DGKD: variants seen among roughly 807,000 people sequenced by gnomAD.
The protein encoded by DGKD is diacylglycerol kinase delta.
Under a neutral mutation model 154.4 loss-of-function variants are expected in DGKD, and 68 were observed. That is an observed-to-expected ratio of 0.44 (90% confidence interval 0.36 to 0.54). The LOEUF (loss-of-function observed/expected upper bound fraction) is 0.54. Among genes scored for constraint, DGKD ranks in the 20% least tolerant of loss-of-function variants. DGKD has a pLI of 0.00. For synonymous variants in DGKD, 693 were observed against 638.0 expected (o/e 1.09, Z -1.30); for missense variants, 1,343 against 1,593.6 (o/e 0.84, Z 2.68).
chr2:233,402,826 A>C (rs941999890), intron 3 of DGKD, among the ~76,000 whole-genome samples: 3 of 152,216 alleles, frequency 2.0e-5, no homozygotes, highest in Non-Finnish European at 2.9e-5. Context: ...AGAACTTGTT[A>C]TTCCTTATTT....
chr2:233,452,215 G>A lies in DGKD; in HGVS notation c.2264+155G>A, dbSNP rs964732467. ...GAGAAGTCGTGGAGATTCCACTTAA[G>A]GAGTGGAGCTGGAAACCACTACTGC... On this transcript the variant is annotated intron_variant, in intron 18 of 29. Transcript: ENST00000264057. The surrounding 1 kb of genome is among the most constrained non-coding windows in gnomAD (Gnocchi z 4.0). Among the ~76,000 whole-genome samples the A allele has an allele frequency of 6.6e-5, 10 of 152,234 alleles. No homozygotes were observed. The highest frequency in any genetic ancestry group is 1.5e-4 in the Non-Finnish European group (10 of 68,044).
At chr2:233,371,388 G>A (rs1702314730) in intron 1 of DGKD, among the ~76,000 whole-genome samples, 1 of 151,948 alleles carries the variant, frequency 6.6e-6, no homozygotes, top group Non-Finnish European at 1.5e-5. Flanking sequence ...TTTCCAATCG[G>A]GTTGTCTTCT....
chr2:233,374,800 C>T (rs1324002003), intron 1 of DGKD, among the ~76,000 whole-genome samples: 1 of 151,952 alleles, frequency 6.6e-6, no homozygotes, highest in Admixed American at 6.6e-5. Flanking sequence ...TGCCACCATA[C>T]CCAGCCAATT....
intron 1 of DGKD, among the ~76,000 whole-genome samples, chr2:233,380,136 C>A (rs575254463): frequency 6.6e-6 from 1 of 152,104 alleles, no homozygotes; most frequent in African/African-American, 2.4e-5. Flanking sequence ...CCTAGGTAGG[C>A]AATTAGAAAT....
intron 1 of DGKD, among the ~76,000 whole-genome samples, chr2:233,374,385 A>G (rs2125405056): frequency 6.6e-6 from 1 of 152,226 alleles, no homozygotes; most frequent in Middle Eastern, 3.4e-3. Flanking sequence ...CCCAGGCTGG[A>G]GTGCAGTGGT....
At chr2:233,464,684 TCA>T (rs1369691686) in intron 27 of DGKD, among the ~76,000 whole-genome samples, 1 of 152,202 alleles carries the variant, frequency 6.6e-6, no homozygotes, top group Non-Finnish European at 1.5e-5. Context: ...CACTCCCCAC[TCA>T]CACTCTCTTC....
chr2:233,416,054 G>T (rs2061952810), intron 3 of DGKD, among the ~76,000 whole-genome samples: 1 of 152,194 alleles, frequency 6.6e-6, no homozygotes. Flanking sequence ...TTTCCCGGCT[G>T]CTTGTGTCCT....
intron 12 of DGKD, 43 bp downstream of exon 12, chr2:233,446,839 T>A (rs2063091155): frequency 6.2e-7 from 1 of 1,605,362 alleles, no homozygotes. Flanking sequence ...CATGCTGATG[T>A]GATCAGAACT....
intron 7 of DGKD, 60 bp downstream of exon 7, chr2:233,436,501 C>T (rs1284723606): frequency 3.2e-5 from 50 of 1,565,220 alleles, no homozygotes; most frequent in Non-Finnish European, 3.7e-5. Context: ...CGTGCCCATG[C>T]GGGCCTTGCG....
Position 233,458,402 on chromosome 2 carries a change from T to TG in DGKD, c.2694+7dup, listed in dbSNP as rs749637658. 3 of 1,602,944 alleles carry TG rather than the reference T, an allele frequency of 1.9e-6. No individual in the cohort carries two copies. The Admixed American group carries it at 5.0e-5, about 27-fold the overall frequency. The stretch of plus-strand genomic sequence containing the variant: ...CAGCATCATCGGATCGCCCAGGTAG[T>TG]GGCCATGGTCCTGGGGTGTCTGGCC... On this transcript the variant is annotated splice_donor_region_variant and intron_variant, in intron 22 of 29. Coordinates refer to ENST00000264057, the MANE Select transcript of DGKD (RefSeq NM_152879.3). The surrounding 1 kb of genome is among the most constrained non-coding windows in gnomAD (Gnocchi z 6.6).
rs1180064256 is a variant in DGKD at position 233,436,458 on chromosome 2, C to T, written c.819+17C>T. On this transcript the variant is annotated intron_variant, in intron 7 of 29. Transcript: ENST00000264057. Reference sequence around the variant, plus strand: ...AAGGCCATGGTGAGTGTGGGCCCTGCGCCCGGGCTGGAGGGGAGGGCTTGC... The same window carrying T: ...AAGGCCATGGTGAGTGTGGGCCCTGTGCCCGGGCTGGAGGGGAGGGCTTGC... 11 of 1,607,096 alleles carry T rather than the reference C, an allele frequency of 6.8e-6. No individual in the cohort carries two copies. Among genetic ancestry groups the T allele is most frequent in the East Asian group, 2.2e-5 (1 of 44,784 alleles).
chr2:233,394,923 C>G (rs1015289230), intron 3 of DGKD, among the ~76,000 whole-genome samples: 8 of 151,846 alleles, frequency 5.3e-5, no homozygotes, highest in African/African-American at 1.9e-4. Context: ...CTTGGCTGGT[C>G]TCTAACTTCT....
intron 1 of DGKD, among the ~76,000 whole-genome samples, chr2:233,375,884 C>T (rs978413664): frequency 2.0e-5 from 3 of 151,924 alleles, no homozygotes; most frequent in African/African-American, 7.3e-5. Flanking sequence ...CTGGTTCTTC[C>T]TACTGTCAAG....
At chr2:233,466,913 AACACTAAAT>A (rs2063840046) in intron 27 of DGKD, among the ~76,000 whole-genome samples, 164 bp from the exon 28 acceptor site, 1 of 152,224 alleles carries the variant, frequency 6.6e-6, no homozygotes, top group Non-Finnish European at 1.5e-5. Context: ...CACTAAAATC[AACACTAAAT>A]ACAAGAATCA....
At chr2:233,363,654 A>C (rs901953887) in intron 1 of DGKD, among the ~76,000 whole-genome samples, 1 of 152,220 alleles carries the variant, frequency 6.6e-6, no homozygotes, top group African/African-American at 2.4e-5. Flanking sequence ...AGCAACTTCC[A>C]GCCCTGCAAG....
rs1703520842 is a variant in DGKD at position 233,390,401 on chromosome 2, A to G, written c.268-2A>G. The G allele has an allele frequency of 1.2e-6, 2 of 1,613,364 alleles. No homozygotes were observed. The highest frequency in any genetic ancestry group is 1.7e-6 in the Non-Finnish European group (2 of 1,179,600). On this transcript the variant is annotated splice_acceptor_variant, in intron 2 of 29. Transcript: ENST00000264057. LOFTEE classifies it high-confidence loss of function. ...TTAGTCCCTGTGTTTGTCTCTTTCT[A>G]GTCAATCATATTTGATGAGGTGGAT... is the stretch of plus-strand genomic sequence containing the variant.
chr2:233,424,115 C>T (rs1422902015), intron 3 of DGKD, among the ~76,000 whole-genome samples: 1 of 152,176 alleles, frequency 6.6e-6, no homozygotes, highest in Non-Finnish European at 1.5e-5. Context: ...CCTGCTCGCT[C>T]GTCATGACCG....
At chr2:233,372,867 T>C (rs1475896865) in intron 1 of DGKD, among the ~76,000 whole-genome samples, 1 of 152,166 alleles carries the variant, frequency 6.6e-6, no homozygotes, top group Non-Finnish European at 1.5e-5. Flanking sequence ...GACTCTATCC[T>C]GAGAAAATAA....
At chr2:233,421,391 C>A (rs1323486015) in intron 3 of DGKD, among the ~76,000 whole-genome samples, 1 of 152,230 alleles carries the variant, frequency 6.6e-6, no homozygotes, top group Non-Finnish European at 1.5e-5. Context: ...TACTGAGGAG[C>A]CTCCCAAAAG....
Sources: allele counts gnomAD v4.1 joint callset (sites outside exome capture counted in the v4.1 genomes callset), GRCh38; gene constraint gnomAD v4.1.1; non-coding constraint Gnocchi (gnomAD v3.1); transcripts MANE v1.5; gene names NCBI Gene and HGNC (gene_info 2026-07-23, HGNC 2026-07-21).